The following RNF150 variants were observed in gnomAD, a reference collection of about 807,000 sequenced individuals.
RNF150 encodes ring finger protein 150.
Under a neutral mutation model 39.3 loss-of-function variants are expected in RNF150, and 24 were observed. That is an observed-to-expected ratio of 0.61 (90% confidence interval 0.44 to 0.86). The LOEUF (loss-of-function observed/expected upper bound fraction) is 0.86. Among genes scored for constraint, RNF150 ranks in the 40% least tolerant of loss-of-function variants. The pLI, the probability that RNF150 is intolerant of heterozygous loss-of-function variation, is 0.00. For missense variants in RNF150, 502 were observed against 587.8 expected (o/e 0.85, Z 1.51); for synonymous variants, 255 against 227.3 (o/e 1.12, Z -1.10).
intron 1 of RNF150, among the ~76,000 whole-genome samples, chr4:141,207,996 G>A (rs1728400966): frequency 1.3e-5 from 2 of 152,140 alleles, no homozygotes; most frequent in Non-Finnish European, 2.9e-5. Context: ...CAAAAGTCAG[G>A]AAAACTGCCT....
intron 1 of RNF150, among the ~76,000 whole-genome samples, chr4:141,152,533 GA>G (rs1336077072): frequency 6.6e-6 from 1 of 152,038 alleles, no homozygotes; most frequent in African/African-American, 2.4e-5. Flanking sequence ...TTATTTGCAT[GA>G]AAAAAGGTAA....
In RNF150 at chr4:140,964,637, G is replaced by A. The variant is rs180851899; in HGVS notation, c.735+2986C>T. Among the ~76,000 whole-genome samples the A allele has an allele frequency of 2.6e-3, 398 of 152,074 alleles. 2 individuals are homozygous for A. The highest frequency in any genetic ancestry group is 4.8e-3 in the Non-Finnish European group (328 of 67,984). The stretch of plus-strand genomic sequence containing the variant: ...AATAAAAAGAAGAGTTGAATAAGGC[G>A]AAAACTTATTACATTTGAATGGGAA... On this transcript the variant is annotated intron_variant, in intron 2 of 6. Transcript: ENST00000515673.
intron 1 of RNF150, among the ~76,000 whole-genome samples, chr4:141,013,283 CAT>C (rs377019017): frequency 4.5e-4 from 69 of 152,208 alleles, no homozygotes; most frequent in African/African-American, 1.6e-3. Flanking sequence ...GTGGTGGATA[CAT>C]GATACAATGA....
chr4:140,906,649 C>G (rs1446618188), intron 6 of RNF150, among the ~76,000 whole-genome samples: 1 of 152,120 alleles, frequency 6.6e-6, no homozygotes, highest in East Asian at 1.9e-4. Context: ...TTTCAACTGG[C>G]CAAGTTTTTG....
intron 1 of RNF150, among the ~76,000 whole-genome samples, chr4:141,210,049 G>GATGAT (rs56253181): frequency 0.51 from 77,734 of 151,498 alleles, 20,338 homozygotes; most frequent in East Asian, 0.8. Context: ...ATTAGTCACA[G>GATGAT]ATAATTGTCT....
At chr4:141,193,093 A>T (rs1293007528) in intron 1 of RNF150, among the ~76,000 whole-genome samples, 1 of 152,124 alleles carries the variant, frequency 6.6e-6, no homozygotes, top group Non-Finnish European at 1.5e-5. Context: ...ACTTATCTTT[A>T]TCTAATATAA....
intron 1 of RNF150, among the ~76,000 whole-genome samples, chr4:140,995,812 T>A (rs186851537): frequency 6.6e-6 from 1 of 151,914 alleles, no homozygotes; most frequent in East Asian, 1.9e-4. Flanking sequence ...GGATATCATC[T>A]TTTTTTATGG....
intron 6 of RNF150, among the ~76,000 whole-genome samples, chr4:140,885,505 C>T (rs1237448958): frequency 2.1e-5 from 3 of 144,230 alleles, no homozygotes; most frequent in Non-Finnish European, 3.0e-5. Context: ...GGTGCGATCT[C>T]GGCTCACTGC....
At chr4:141,151,496 C>T (rs944499118) in intron 1 of RNF150, among the ~76,000 whole-genome samples, 1 of 149,538 alleles carries the variant, frequency 6.7e-6, no homozygotes, top group Non-Finnish European at 1.5e-5. Flanking sequence ...ATACTGAGAA[C>T]TGTAGGAATG....
intron 1 of RNF150, among the ~76,000 whole-genome samples, chr4:141,022,946 T>C (rs1735553641): frequency 6.6e-6 from 1 of 152,202 alleles, no homozygotes. Flanking sequence ...GTGAGCTAAA[T>C]TCTATTTTTT....
intron 1 of RNF150, among the ~76,000 whole-genome samples, chr4:141,193,251 T>C (rs1728144566): frequency 6.6e-6 from 1 of 152,266 alleles, no homozygotes; most frequent in African/African-American, 2.4e-5. Context: ...ATTCAATAAA[T>C]GTTTGCTGAA....
intron 6 of RNF150, among the ~76,000 whole-genome samples, chr4:140,869,328 A>C (rs1202656588): frequency 6.6e-6 from 1 of 152,230 alleles, no homozygotes; most frequent in Non-Finnish European, 1.5e-5. Flanking sequence ...GAGAAAGTTA[A>C]ATGGAAGCAA....
At chr4:141,186,988 G>A (rs754236822) in intron 1 of RNF150, among the ~76,000 whole-genome samples, 2 of 152,120 alleles carry the variant, frequency 1.3e-5, no homozygotes, top group Non-Finnish European at 2.9e-5. Flanking sequence ...GATGTGGGCC[G>A]TTAGTGCAAT....
chr4:141,063,874 A>G (rs893283415), intron 1 of RNF150, among the ~76,000 whole-genome samples: 2 of 152,078 alleles, frequency 1.3e-5, no homozygotes, highest in Admixed American at 1.3e-4. Context: ...TATAATTACA[A>G]AAGTTATATA....
Position 140,924,400 on chromosome 4 carries a change from T to G in RNF150, c.987+1577A>C, listed in dbSNP as rs77404867. 3.9e-5 allele frequency among the ~76,000 whole-genome samples: 6 copies of G among 152,352 alleles called. No homozygotes were observed. In the South Asian group the frequency reaches 1.0e-3, roughly 26 times the overall value. ...AAAAAATCTGGAGTCAAATACTCTT[T>G]AGTACAAAATTGAACGATGGATGCT... On this transcript the variant is annotated intron_variant, in intron 5 of 6. Coordinates refer to ENST00000515673, the MANE Select transcript of RNF150 (RefSeq NM_020724.2).
At chr4:141,208,506 C>T (rs1276425522) in intron 1 of RNF150, among the ~76,000 whole-genome samples, 1 of 152,206 alleles carries the variant, frequency 6.6e-6, no homozygotes, top group Non-Finnish European at 1.5e-5. Context: ...AGTGCCATCA[C>T]CCTGTCAGGA....
At chr4:140,885,297 T>C (rs977783775) in intron 6 of RNF150, among the ~76,000 whole-genome samples, 1 of 147,018 alleles carries the variant, frequency 6.8e-6, no homozygotes, top group Non-Finnish European at 1.5e-5. Context: ...GCCTCCCAGG[T>C]TCAAGCAATT....
At chr4:141,211,178 G>T (rs1231659411) in intron 1 of RNF150, among the ~76,000 whole-genome samples, 1 of 152,010 alleles carries the variant, frequency 6.6e-6, no homozygotes, top group African/African-American at 2.4e-5. Flanking sequence ...GATATATTTG[G>T]TATCTGATTT....
At chr4:141,007,789 G>A (rs989047191) in intron 1 of RNF150, among the ~76,000 whole-genome samples, 19 of 152,146 alleles carry the variant, frequency 1.2e-4, no homozygotes, top group African/African-American at 4.1e-4. Flanking sequence ...TTCATGGAGC[G>A]AATGTCCCAC....
Sources: allele counts gnomAD v4.1 joint callset (sites outside exome capture counted in the v4.1 genomes callset), GRCh38; gene constraint gnomAD v4.1.1; transcripts MANE v1.5; gene names NCBI Gene and HGNC (gene_info 2026-07-23, HGNC 2026-07-21).